HECW1: variants seen among roughly 807,000 people sequenced by gnomAD.
The protein encoded by HECW1 is HECT, C2 and WW domain containing E3 ubiquitin protein ligase 1, also known as E3 ubiquitin-protein ligase HECW1.
HECW1 carries 61 observed loss-of-function variants against 182.3 expected under a neutral mutation model. The ratio of observed to expected loss-of-function variants is 0.33; its 90% CI spans 0.27 to 0.41. The LOEUF is 0.41. Ranked by LOEUF, HECW1 falls within the 10% of genes least tolerant of loss-of-function variation. The pLI is 1.00. For missense variants in HECW1, 1,739 were observed against 2,108.9 expected, an observed-to-expected ratio of 0.82 and a Z score of 3.44; for synonymous variants, 859 against 832.6, an observed-to-expected ratio of 1.03 and a Z score of -0.55.
intron 2 of HECW1, among the ~76,000 whole-genome samples, chr7:43,230,172 T>C (rs1263332057): frequency 1.3e-5 from 2 of 152,160 alleles, no homozygotes; most frequent in Non-Finnish European, 2.9e-5. Context: ...GCGGGAGGAT[T>C]GCTTGAGGTC....
At chr7:43,508,842 G>C (rs2079719198) in intron 23 of HECW1, 127 bp from the exon 24 acceptor site, 11 of 896,212 alleles carry the variant, frequency 1.2e-5, no homozygotes, top group Non-Finnish European at 1.9e-5. Context: ...TCACTCCAAA[G>C]AGCAGAGGCT....
intron 3 of HECW1, among the ~76,000 whole-genome samples, chr7:43,307,003 C>T (rs12532864): frequency 0.048 from 7,261 of 152,100 alleles, 212 homozygotes; most frequent in Middle Eastern, 0.082. Context: ...TCAACAATTA[C>T]GATGTCATTT....
chr7:43,332,735 G>A (rs17710195), intron 5 of HECW1, among the ~76,000 whole-genome samples: 29,494 of 152,120 alleles, frequency 0.19, 3,600 homozygotes, highest in Non-Finnish European at 0.27. Flanking sequence ...TTTGGGGTAA[G>A]GCTACTGTCC....
At chr7:43,442,656 T>C (rs944807650) in intron 10 of HECW1, 27 bp downstream of exon 10, 5 of 1,456,236 alleles carry the variant, frequency 3.4e-6, no homozygotes, top group Non-Finnish European at 4.8e-6. Flanking sequence ...CTTCATGTCT[T>C]GTCCTAGGCT....
At chr7:43,202,086 A>G (rs1795061049) in intron 2 of HECW1, among the ~76,000 whole-genome samples, 2 of 152,204 alleles carry the variant, frequency 1.3e-5, no homozygotes, top group African/African-American at 4.8e-5. Context: ...TGCTCCACTT[A>G]CTCATTTAAC....
chr7:43,180,483 C>T (rs550520086), intron 2 of HECW1, among the ~76,000 whole-genome samples: 53 of 152,258 alleles, frequency 3.5e-4, no homozygotes, highest in African/African-American at 1.2e-3. Flanking sequence ...GCAAGCTCCA[C>T]CCACTGGGTT....
At chr7:43,134,020 T>C (rs1313948952) in intron 2 of HECW1, among the ~76,000 whole-genome samples, 1 of 152,176 alleles carries the variant, frequency 6.6e-6, no homozygotes, top group African/African-American at 2.4e-5. Flanking sequence ...TCGGAAAATA[T>C]AATTAGTCAC....
intron 4 of HECW1, among the ~76,000 whole-genome samples, chr7:43,313,465 G>A (rs1808798194): frequency 4.6e-5 from 7 of 151,604 alleles, no homozygotes; most frequent in Admixed American, 4.6e-4. Flanking sequence ...AGCCTCCCAA[G>A]TAGCTGGGAT....
intron 8 of HECW1, among the ~76,000 whole-genome samples, chr7:43,411,031 C>G (rs1241890380): frequency 7.1e-6 from 1 of 139,926 alleles, no homozygotes; most frequent in East Asian, 2.0e-4. Flanking sequence ...TATTTATCTC[C>G]TTTATTGCCT....
intron 2 of HECW1, among the ~76,000 whole-genome samples, chr7:43,209,630 C>G (rs566905732): frequency 2.1e-4 from 32 of 152,250 alleles, no homozygotes; most frequent in African/African-American, 7.5e-4. Flanking sequence ...GATTTTGCAG[C>G]CAGGCTACAA....
At chr7:43,474,545 A>G (rs1175967327) in intron 16 of HECW1, among the ~76,000 whole-genome samples, 1 of 152,172 alleles carries the variant, frequency 6.6e-6, no homozygotes, top group African/African-American at 2.4e-5. Flanking sequence ...ATAATCATGT[A>G]CCTTATGAGC....
intron 27 of HECW1, 105 bp downstream of exon 27, chr7:43,550,696 C>G: frequency 8.3e-7 from 1 of 1,203,574 alleles, no homozygotes; most frequent in Non-Finnish European, 1.2e-6. Flanking sequence ...GTGGTGAAAA[C>G]AGAGAGGGAG....
chr7:43,129,902 A>G (rs777058266), intron 2 of HECW1, among the ~76,000 whole-genome samples: 2 of 152,198 alleles, frequency 1.3e-5, no homozygotes, highest in Non-Finnish European at 2.9e-5. Context: ...TGTGCATGCT[A>G]TGTAAATAGG....
intron 2 of HECW1, among the ~76,000 whole-genome samples, chr7:43,139,446 G>T (rs566584679): frequency 7.9e-5 from 12 of 152,178 alleles, no homozygotes; most frequent in Non-Finnish European, 1.2e-4. Context: ...ATTCCTTTGT[G>T]CTGCCAGGAA....
chr7:43,253,767 G>A (rs1407590600), intron 3 of HECW1, among the ~76,000 whole-genome samples: 2 of 152,150 alleles, frequency 1.3e-5, no homozygotes, highest in Admixed American at 6.5e-5. Context: ...AATTAGCCAG[G>A]CATTGTGGCA....
chr7:43,424,041 G>A (rs939545923), intron 8 of HECW1, among the ~76,000 whole-genome samples: 3 of 152,150 alleles, frequency 2.0e-5, no homozygotes, highest in African/African-American at 7.2e-5. Context: ...AGGTGGGAGA[G>A]AACAAAAGAA....
At chr7:43,199,402 A>G (rs1794829824) in intron 2 of HECW1, among the ~76,000 whole-genome samples, 1 of 152,218 alleles carries the variant, frequency 6.6e-6, no homozygotes, top group Admixed American at 6.5e-5. Context: ...GAGAGTTTCC[A>G]TGATCAATTT....
chr7:43,264,640 C>T (rs569940563), intron 3 of HECW1, among the ~76,000 whole-genome samples: 395 of 151,966 alleles, frequency 2.6e-3, no homozygotes, highest in African/African-American at 5.6e-3. Flanking sequence ...GGTCAGGAGA[C>T]CAAGACCATC....
intron 2 of HECW1, among the ~76,000 whole-genome samples, chr7:43,155,856 T>C (rs2330745): frequency 0.044 from 6,753 of 152,246 alleles, 192 homozygotes; most frequent in East Asian, 0.13. Flanking sequence ...ATCTTACAGG[T>C]GTAACAGCAG....
Sources: gnomAD v4.1 joint callset for allele counts (sites outside exome capture counted in the v4.1 genomes callset) on GRCh38, gnomAD v4.1.1 for gene constraint, MANE v1.5 for transcripts, NCBI Gene and HGNC (gene_info 2026-07-23, HGNC 2026-07-21) for gene names.